COPS5: variants seen among roughly 807,000 people sequenced by gnomAD.
COPS5 encodes the protein COP9 signalosome complex subunit 5.
A neutral mutation model predicts 44.4 loss-of-function variants in COPS5; 8 were observed. The ratio of observed to expected loss-of-function variants is 0.18; its 90% CI spans 0.11 to 0.32. The LOEUF (loss-of-function observed/expected upper bound fraction) is 0.32. COPS5 is among the 10% of genes least tolerant of loss of function. The pLI is 1.00. For missense variants in COPS5, 159 were observed against 406.4 expected, an observed-to-expected ratio of 0.39 and a Z score of 5.23; for synonymous variants, 122 against 142.8, an observed-to-expected ratio of 0.85 and a Z score of 1.04.
In COPS5 at chr8:67,061,668, A is replaced by C. The variant is rs1438867244; in HGVS notation, c.143+186T>G. ...ACATCACCCGGGGGCAAATGGATTAAAGCGACAGAAAGGGGAGTGAAAGCC... is the reference window on the plus strand; with the variant it reads ...ACATCACCCGGGGGCAAATGGATTACAGCGACAGAAAGGGGAGTGAAAGCC... On this transcript the variant is annotated intron_variant, in intron 1 of 7. Transcript: ENST00000357849. The C allele has an allele frequency of 6.5e-6, 4 of 616,188 alleles. No homozygotes were observed. In the East Asian group the frequency reaches 1.1e-4, roughly 17 times the overall value. 38.2% of individuals were successfully genotyped at this position (616,188 alleles called of 1,614,324 possible).
intron 7 of COPS5, chr8:67,043,549 T>C (rs1816663058): frequency 2.9e-6 from 1 of 347,926 alleles, no homozygotes; most frequent in African/African-American, 2.1e-5. Flanking sequence ...TAAAATTTGA[T>C]ACAATTGTTC....
rs757365559 is a variant in COPS5, at chr8:67,045,822, T to C, written c.910A>G (p.Thr304Ala). The change falls in exon 7 of 8, where the codon ACA (threonine) becomes GCA (alanine). Residue 304 changes from threonine to alanine, a missense_variant. Coordinates refer to ENST00000357849, the MANE Select transcript of COPS5 (RefSeq NM_006837.3). ...RKSEDKLAKA[T>A]RDSCKTTIEA... ...TAGATTTACTCTTACCTGTCTCTTG[T>C]AGCTTTGGCAAGTTTGTCTTCTGAT... 10 of 1,614,112 alleles carry C rather than the reference T, an allele frequency of 6.2e-6. No individual in the cohort carries two copies. The highest frequency in any genetic ancestry group is 5.3e-5 in the African/African-American group (4 of 74,946).
At chr8:67,054,325 A>G (rs1418192971) in intron 5 of COPS5, among the ~76,000 whole-genome samples, 1 of 152,224 alleles carries the variant, frequency 6.6e-6, no homozygotes, top group East Asian at 1.9e-4. Flanking sequence ...ACAACTCAAT[A>G]TAAATAAAAA....
chr8:67,057,564 TAAG>T, intron 3 of COPS5, 119 bp from the exon 4 acceptor site: 1 of 560,722 alleles, frequency 1.8e-6, no homozygotes, highest in South Asian at 3.9e-5. Flanking sequence ...AATAACCAAA[TAAG>T]AATAAACCAA....
intron 5 of COPS5, among the ~76,000 whole-genome samples, 169 bp downstream of exon 5, chr8:67,056,350 T>C (rs1804501566): frequency 6.6e-6 from 1 of 151,904 alleles, no homozygotes; most frequent in Non-Finnish European, 1.5e-5. Flanking sequence ...TGCCACTTCA[T>C]CTGGCTAACT....
At chr8:67,052,734 C>T (rs1158573134) in intron 5 of COPS5, among the ~76,000 whole-genome samples, 1 of 149,800 alleles carries the variant, frequency 6.7e-6, no homozygotes, top group African/African-American at 2.5e-5. Context: ...GCAGAAGAAT[C>T]GCTTGAACCC....
In COPS5 at chr8:67,058,018, C is replaced by A. The variant is rs2129537992; in HGVS notation, c.507+65G>T. The A allele has an allele frequency of 3.9e-6, 6 of 1,533,048 alleles. No individual in the cohort carries two copies. The African/African-American group carries it at 8.2e-5, about 21-fold the overall frequency. 95.0% of individuals were successfully genotyped at this position (1,533,048 alleles called of 1,614,324 possible). On this transcript the variant is annotated intron_variant, in intron 3 of 7. Coordinates refer to ENST00000357849, the MANE Select transcript of COPS5 (RefSeq NM_006837.3). Reference sequence around the variant, plus strand: ...TCTCTTTACTACACTATTCTTATTTCTCAGTATACTTGCTTCAGCAAATCT... The same window carrying A: ...TCTCTTTACTACACTATTCTTATTTATCAGTATACTTGCTTCAGCAAATCT...
In COPS5 at chr8:67,057,452, G is replaced by T; in HGVS notation, c.508-7C>A. 6.3e-7 allele frequency: 1 copy of T among 1,595,812 alleles called. No homozygotes were observed. The highest frequency in any genetic ancestry group is 1.1e-5 in the South Asian group (1 of 90,024). The stretch of plus-strand genomic sequence containing the variant: ...TTGTTCTTGTTGGATCAATCTATAA[G>T]AAAGATATATTTAATATCTGCTGAT... On this transcript the variant is annotated splice_region_variant and splice_polypyrimidine_tract_variant and intron_variant, in intron 3 of 7. Coordinates refer to ENST00000357849, the MANE Select transcript of COPS5 (RefSeq NM_006837.3).
chr8:67,062,056 G>T lies in COPS5; in HGVS notation c.-60C>A. 6.2e-7 allele frequency: 1 copy of T among 1,611,594 alleles called. No homozygotes were observed. ...CCAAGACGCAACTTTACCTCGCTAG[G>T]TTTCCGGGTGTGGGCCTTGACCCTC... On this transcript the variant is annotated 5_prime_UTR_variant, in exon 1 of 8. Transcript: ENST00000357849.
chr8:67,050,293 G>A (rs566503353), intron 6 of COPS5, among the ~76,000 whole-genome samples: 6 of 152,266 alleles, frequency 3.9e-5, no homozygotes, highest in East Asian at 3.9e-4. Context: ...AAGCCACCGC[G>A]CCCGGCCTCT....
chr8:67,051,083 C>T, intron 6 of COPS5, 147 bp downstream of exon 6: 1 of 611,380 alleles, frequency 1.6e-6, no homozygotes, highest in East Asian at 2.7e-5. Context: ...GAATCCTAAT[C>T]CAGCTGTGGT....
intron 7 of COPS5, chr8:67,043,926 G>A (rs913774254): frequency 6.6e-6 from 1 of 152,106 alleles, no homozygotes; most frequent in African/African-American, 2.4e-5. Flanking sequence ...CATTGCCATA[G>A]TAAAATTTTT....
Position 67,059,177 on chromosome 8 carries a change from G to A in COPS5, c.378+34C>T, listed in dbSNP as rs771444539. 80 of 1,494,986 alleles carry A rather than the reference G, an allele frequency of 5.4e-5. No homozygotes were observed. In the East Asian group the frequency reaches 1.5e-3, roughly 28 times the overall value. The allele number at this position is 1,494,986 out of a possible 1,614,324, so 92.6% of individuals were successfully genotyped here. A position where few individuals can be genotyped will look rare whatever the true frequency, so the allele number is the denominator to read the frequency against. Reference sequence around the variant, plus strand: ...AAAAGTCACCTTGAGACTCTAACTTGCAATTACTAAACTATAAGAAACAAC... The same window carrying A: ...AAAAGTCACCTTGAGACTCTAACTTACAATTACTAAACTATAAGAAACAAC... On this transcript the variant is annotated intron_variant, in intron 2 of 7. Transcript: ENST00000357849.
chr8:67,056,295 T>G (rs1331260422), intron 5 of COPS5, among the ~76,000 whole-genome samples: 1 of 152,098 alleles, frequency 6.6e-6, no homozygotes, highest in African/African-American at 2.4e-5. Context: ...CTGGTTGATA[T>G]CTAAGGTTTC....
intron 5 of COPS5, among the ~76,000 whole-genome samples, chr8:67,056,138 TA>T (rs1247329425): frequency 3.3e-5 from 5 of 152,152 alleles, no homozygotes; most frequent in Non-Finnish European, 7.3e-5. Context: ...AATGACATGC[TA>T]GTTTGAAACA....
chr8:67,052,002 G>A (rs897426591), intron 5 of COPS5, among the ~76,000 whole-genome samples: 3 of 151,978 alleles, frequency 2.0e-5, no homozygotes, highest in African/African-American at 4.8e-5. Context: ...TTACCTTAAG[G>A]AACTCAACAT....
intron 5 of COPS5, among the ~76,000 whole-genome samples, chr8:67,054,739 A>G (rs562577104): frequency 1.3e-5 from 2 of 152,250 alleles, no homozygotes; most frequent in Admixed American, 6.5e-5. Context: ...TGAAGTTGGC[A>G]TAAGTGGTAC....
intron 1 of COPS5, chr8:67,061,586 T>C: frequency 2.1e-6 from 1 of 483,696 alleles, no homozygotes; most frequent in Non-Finnish European, 3.8e-6. Flanking sequence ...GTGGCATATA[T>C]GACAATACGG....
chr8:67,050,166 T>C (rs1295561204), intron 6 of COPS5, among the ~76,000 whole-genome samples: 1 of 151,838 alleles, frequency 6.6e-6, no homozygotes, highest in African/African-American at 2.4e-5. Flanking sequence ...CTCGCCCGGC[T>C]AATTTTTTGT....
Sources: gnomAD v4.1 joint callset for allele counts (sites outside exome capture counted in the v4.1 genomes callset) on GRCh38, gnomAD v4.1.1 for gene constraint, MANE v1.5 for transcripts, NCBI Gene and HGNC (gene_info 2026-07-23, HGNC 2026-07-21) for gene names.